The following FBXL20 variants were observed in gnomAD, a reference collection of about 807,000 sequenced individuals.
The protein encoded by FBXL20 is F-box and leucine rich repeat protein 20.
In FBXL20, 11 loss-of-function variants were observed where a neutral mutation model predicts 64.0. That is an observed-to-expected ratio of 0.17 (90% CI 0.11 to 0.28). The LOEUF (loss-of-function observed/expected upper bound fraction) is 0.28. Ranked by LOEUF, FBXL20 falls within the 10% of genes least tolerant of loss-of-function variation. FBXL20 has a pLI of 1.00. For synonymous variants in FBXL20, 184 were observed against 189.0 expected, an observed-to-expected ratio of 0.97 and a Z score of 0.22; for missense variants, 303 against 526.2, an observed-to-expected ratio of 0.58 and a Z score of 4.15.
chr17:39,307,563 T>C (rs1378688978), intron 2 of FBXL20, among the ~76,000 whole-genome samples: 1 of 152,226 alleles, frequency 6.6e-6, no homozygotes, highest in African/African-American at 2.4e-5. Flanking sequence ...TGTGTAAATT[T>C]ACATACTAAT....
chr17:39,304,226 TAA>T (rs879698201), intron 2 of FBXL20, among the ~76,000 whole-genome samples: 1 of 143,322 alleles, frequency 7.0e-6, no homozygotes, highest in Non-Finnish European at 1.5e-5. Context: ...TTTTTTAAAG[TAA>T]AAAAAAAAAA....
chr17:39,288,180 T>C (rs1168461506), intron 6 of FBXL20, among the ~76,000 whole-genome samples: 1 of 152,064 alleles, frequency 6.6e-6, no homozygotes, highest in Non-Finnish European at 1.5e-5. Context: ...TTAGTCAGGC[T>C]GGTCTCAAAC....
At chr17:39,274,375 C>T (rs2046872549) in intron 10 of FBXL20, among the ~76,000 whole-genome samples, 1 of 152,136 alleles carries the variant, frequency 6.6e-6, no homozygotes, top group South Asian at 2.1e-4. Context: ...AAGACAGTAA[C>T]AGGCTGGGCA....
chr17:39,344,945 AACGGAT>A (rs1349089733), intron 1 of FBXL20, among the ~76,000 whole-genome samples: 1 of 152,202 alleles, frequency 6.6e-6, no homozygotes, highest in Non-Finnish European at 1.5e-5. Flanking sequence ...AATTACTCAC[AACGGAT>A]ACTTTTAACG....
intron 6 of FBXL20, among the ~76,000 whole-genome samples, chr17:39,294,204 G>A (rs1402264096): frequency 6.6e-6 from 1 of 151,802 alleles, no homozygotes; most frequent in Non-Finnish European, 1.5e-5. Context: ...CAAACTCCTG[G>A]TCTCAAGTAG....
At chr17:39,332,411 T>C (rs1378052251) in intron 2 of FBXL20, among the ~76,000 whole-genome samples, 1 of 152,128 alleles carries the variant, frequency 6.6e-6, no homozygotes, top group African/African-American at 2.4e-5. Flanking sequence ...TCGTCACAAC[T>C]TGCTCCTGGA....
chr17:39,272,609 C>T (rs34150272), intron 10 of FBXL20, among the ~76,000 whole-genome samples: 3 of 144,124 alleles, frequency 2.1e-5, no homozygotes, highest in South Asian at 2.2e-4. Context: ...GGCTGAGGCA[C>T]GAAAATTGCT....
chr17:39,323,556 T>TCTTA (rs10688201), intron 2 of FBXL20, among the ~76,000 whole-genome samples: 59,125 of 151,570 alleles, frequency 0.39, 15,126 homozygotes, highest in African/African-American at 0.73. Context: ...ACCTCTTTCT[T>TCTTA]CTTTACAATC....
intron 2 of FBXL20, among the ~76,000 whole-genome samples, chr17:39,316,527 G>A (rs1255388501): frequency 1.3e-5 from 2 of 152,128 alleles, no homozygotes; most frequent in Admixed American, 1.3e-4. Context: ...AAGAATGATG[G>A]GGACACGTCA....
chr17:39,355,581 C>T (rs1056049754), intron 1 of FBXL20, among the ~76,000 whole-genome samples: 2 of 151,216 alleles, frequency 1.3e-5, no homozygotes, highest in Non-Finnish European at 2.9e-5. Context: ...CTGGGCCGGG[C>T]GCGGTGGCTC....
At chr17:39,388,676 G>A (rs1597836673) in intron 1 of FBXL20, among the ~76,000 whole-genome samples, 1 of 150,898 alleles carries the variant, frequency 6.6e-6, no homozygotes, top group East Asian at 2.1e-4. Flanking sequence ...TAGAGACGGG[G>A]TTTCACCATG....
At chr17:39,311,405 G>C (rs2047234376) in intron 2 of FBXL20, among the ~76,000 whole-genome samples, 1 of 151,728 alleles carries the variant, frequency 6.6e-6, no homozygotes, top group African/African-American at 2.4e-5. Flanking sequence ...GTCTTACCTG[G>C]GTTCTCTATT....
At position 39,259,443 on chromosome 17, in the gene FBXL20, G is replaced by A. The variant is rs1203583064; in HGVS notation, c.*2017C>T. The A allele has an allele frequency of 6.6e-6, 1 of 152,046 alleles. No individual in the cohort carries two copies. The highest frequency in any genetic ancestry group is 1.9e-4 in the East Asian group (1 of 5,202). The allele number at this position is 152,046 out of a possible 1,614,324, so 9.4% of individuals were successfully genotyped here. A position where few individuals can be genotyped will look rare whatever the true frequency, so the allele number is the denominator to read the frequency against. On this transcript the variant is annotated 3_prime_UTR_variant, in exon 15 of 15. Transcript: ENST00000264658. The stretch of plus-strand genomic sequence containing the variant: ...AAATCACCCTACTAAAAATCACACT[G>A]GGTTTCTAATCTTGGGGTTTAGAAA...
At position 39,270,045 on chromosome 17, in the gene FBXL20, C is replaced by T. The variant is rs2046829469; in HGVS notation, c.888+751G>A. Among the ~76,000 whole-genome samples the T allele has an allele frequency of 2.6e-5, 4 of 152,180 alleles. No homozygotes were observed. In the South Asian group the frequency reaches 8.3e-4, roughly 31 times the overall value. The stretch of plus-strand genomic sequence containing the variant: ...AAGTCAGTATAATTTTAAATATTAT[C>T]ATATAGTAATTTATAAACCCGTCCA... On this transcript the variant is annotated intron_variant, in intron 11 of 14. Transcript: ENST00000264658.
intron 1 of FBXL20, among the ~76,000 whole-genome samples, chr17:39,354,311 A>G (rs1457940009): frequency 6.6e-6 from 1 of 152,052 alleles, no homozygotes; most frequent in African/African-American, 2.4e-5. Context: ...TGTTCATGCT[A>G]TTTTCTTTAG....
intron 1 of FBXL20, among the ~76,000 whole-genome samples, chr17:39,365,653 T>C (rs1407359517): frequency 6.6e-6 from 1 of 151,632 alleles, no homozygotes; most frequent in African/African-American, 2.4e-5. Context: ...ATAGAGCATC[T>C]ACACACTTTT....
intron 4 of FBXL20, among the ~76,000 whole-genome samples, chr17:39,300,346 T>C (rs979941073): frequency 3.3e-5 from 5 of 152,172 alleles, no homozygotes; most frequent in African/African-American, 1.2e-4. Context: ...CATTTAATCC[T>C]TAAGAAGCCA....
chr17:39,345,757 T>C (rs972568983), intron 1 of FBXL20, among the ~76,000 whole-genome samples: 1 of 152,030 alleles, frequency 6.6e-6, no homozygotes, highest in South Asian at 2.1e-4. Context: ...GCCAGGCTGG[T>C]CTCAAACTCC....
At chr17:39,342,605 G>A (rs182208815) in intron 2 of FBXL20, among the ~76,000 whole-genome samples, 2,168 of 151,994 alleles carry the variant, frequency 0.014, 51 homozygotes, top group African/African-American at 0.049. Flanking sequence ...TAGTCCCAGC[G>A]ACTCGGGAGG....
Sources: allele counts gnomAD v4.1 joint callset (sites outside exome capture counted in the v4.1 genomes callset), GRCh38; gene constraint gnomAD v4.1.1; transcripts MANE v1.5; gene names NCBI Gene and HGNC (gene_info 2026-07-23, HGNC 2026-07-21).